Variants in DPH6 observed in about 807,000 individuals in gnomAD.
DPH6 encodes diphthamine biosynthesis 6.
In DPH6, 33 loss-of-function variants were observed where a neutral mutation model predicts 38.2. The ratio of observed to expected loss-of-function variants is 0.86; its 90% confidence interval spans 0.65 to 1.15. The LOEUF (loss-of-function observed/expected upper bound fraction) is 1.15. DPH6 is among the 50% of genes most tolerant of loss of function. The probability of loss-of-function intolerance (pLI) is 0.00; values close to 1 mark genes in which losing one functional copy is unlikely to be tolerated. For missense variants in DPH6, 325 were observed against 320.0 expected (o/e 1.02, Z -0.12); for synonymous variants, 108 against 103.0 (o/e 1.05, Z -0.30).
At chr15:35,343,651 T>G (rs982046520) in intron 3 of DPH6, among the ~76,000 whole-genome samples, 1 of 152,006 alleles carries the variant, frequency 6.6e-6, no homozygotes, top group Non-Finnish European at 1.5e-5. Context: ...AATTTATCCT[T>G]TAACAAGTTT....
At chr15:35,393,512 G>T (rs1049944492) in intron 6 of DPH6, among the ~76,000 whole-genome samples, 5 of 152,154 alleles carry the variant, frequency 3.3e-5, no homozygotes, top group Non-Finnish European at 5.9e-5. Context: ...TATGAATGGA[G>T]GACAAAAGGG....
chr15:35,524,134 AAATG>A (rs1242546035), intron 3 of DPH6, among the ~76,000 whole-genome samples: 1 of 141,678 alleles, frequency 7.1e-6, no homozygotes, highest in Non-Finnish European at 1.6e-5. Flanking sequence ...AAATACAACA[AAATG>A]AATTAAAAGA....
At chr15:35,525,783 T>C (rs2054991528) in intron 3 of DPH6, among the ~76,000 whole-genome samples, 1 of 152,146 alleles carries the variant, frequency 6.6e-6, no homozygotes, top group African/African-American at 2.4e-5. Context: ...AAGGGTGCAG[T>C]GAGCCACGAT....
Position 35,499,541 on chromosome 15 carries a change from T to C in DPH6, c.312+38733A>G, listed in dbSNP as rs1020533777. ...GGTTTAGGCATGAAATAGGAATTTT[T>C]CCACTGTGTTTTGGGGAAAGGAGGA... On this transcript the variant is annotated intron_variant, in intron 3 of 8. Transcript: ENST00000256538. Among the ~76,000 whole-genome samples the C allele has an allele frequency of 6.6e-5, 10 of 152,280 alleles. No individual in the cohort carries two copies. The Middle Eastern group carries it at 0.01, about 155-fold the overall frequency.
chr15:35,506,353 T>C (rs1351652972), intron 3 of DPH6, among the ~76,000 whole-genome samples: 1 of 152,176 alleles, frequency 6.6e-6, no homozygotes, highest in South Asian at 2.1e-4. Flanking sequence ...GACAATATTG[T>C]CTTTGTTAGT....
chr15:35,490,801 T>G (rs989169505), intron 3 of DPH6, among the ~76,000 whole-genome samples: 1 of 152,084 alleles, frequency 6.6e-6, no homozygotes, highest in Non-Finnish European at 1.5e-5. Context: ...TCTTAGTCCG[T>G]TTTCTGCTGC....
chr15:35,471,465 C>T (rs1402375668), intron 3 of DPH6, among the ~76,000 whole-genome samples: 1 of 152,200 alleles, frequency 6.6e-6, no homozygotes, highest in South Asian at 2.1e-4. Context: ...CCAATTGATA[C>T]AACTATTAGA....
At chr15:35,169,165 G>T in the DPH6 span, among the ~76,000 whole-genome samples, 1 of 151,998 alleles carries the variant, frequency 6.6e-6, no homozygotes, top group African/African-American at 2.4e-5. Context: ...TTTTATATTA[G>T]TTAAATTAAT....
At chr15:35,500,978 T>C (rs1259331507) in intron 3 of DPH6, among the ~76,000 whole-genome samples, 1 of 152,136 alleles carries the variant, frequency 6.6e-6, no homozygotes, top group Non-Finnish European at 1.5e-5. Flanking sequence ...TGACCTCAGA[T>C]GATCTACCCA....
At chr15:35,445,410 AAAAG>A (rs2053839135) in intron 5 of DPH6, among the ~76,000 whole-genome samples, 1 of 151,964 alleles carries the variant, frequency 6.6e-6, no homozygotes, top group Admixed American at 6.6e-5. Flanking sequence ...AAAAAAAAAA[AAAAG>A]AGATCTGAAT....
the DPH6 span, among the ~76,000 whole-genome samples, chr15:35,193,176 C>T: frequency 1.3e-5 from 2 of 151,986 alleles, no homozygotes; most frequent in Admixed American, 6.6e-5. Flanking sequence ...TATCTGAATA[C>T]TGAAATGTGT....
At position 35,240,506 on chromosome 15, in the gene DPH6, C is replaced by CT. The variant is rs1436082435; in HGVS notation, n.201-19925dup. Among the ~76,000 whole-genome samples the CT allele has an allele frequency of 4.3e-4, 61 of 143,408 alleles. 7 individuals carry two copies. The highest frequency in any genetic ancestry group is 1.5e-3 in the African/African-American group (61 of 39,644). The allele number at this position is 143,408 out of a possible 152,430, so 94.1% of individuals were successfully genotyped here. A position where few individuals can be genotyped will look rare whatever the true frequency, so the allele number is the denominator to read the frequency against. On this transcript the variant is annotated intron_variant and non_coding_transcript_variant, in intron 3 of 3. Transcript: ENST00000560386. ...CTTCCTCAGCCTCCGCTCCTCCACC[C>CT]TGTAATCTTTTTATCGCCTCCCCTC...
At chr15:35,436,204 T>C (rs73380710) in intron 5 of DPH6, among the ~76,000 whole-genome samples, 44,536 of 151,804 alleles carry the variant, frequency 0.29, 10,526 homozygotes, top group African/African-American at 0.66. Context: ...CGGTGGCTCA[T>C]GCCTGTAATC....
At chr15:35,280,891 T>C (rs1457824249) in intron 3 of DPH6, among the ~76,000 whole-genome samples, 1 of 152,180 alleles carries the variant, frequency 6.6e-6, no homozygotes, top group African/African-American at 2.4e-5. Flanking sequence ...GACAGACAAT[T>C]GACTTACTTT....
At position 35,352,584 on chromosome 15, in the gene DPH6, T is replaced by A. The variant is rs1454516391; in HGVS notation, n.207+20937A>T. Reference sequence around the variant, plus strand: ...CTGAGAATGATGGTTTCCAGCTTCATCCGTGTCCCTACAAAGGACATGAAC... The same window carrying A: ...CTGAGAATGATGGTTTCCAGCTTCAACCGTGTCCCTACAAAGGACATGAAC... On this transcript the variant is annotated intron_variant and non_coding_transcript_variant, in intron 3 of 3. Coordinates refer to the DPH6 transcript ENST00000558973. Among the ~76,000 whole-genome samples the A allele has an allele frequency of 2.6e-5, 4 of 152,362 alleles. No homozygotes were observed. In the South Asian group the frequency reaches 8.3e-4, roughly 32 times the overall value.
chr15:35,340,270 T>C (rs939275522), intron 3 of DPH6, among the ~76,000 whole-genome samples: 1 of 151,496 alleles, frequency 6.6e-6, no homozygotes, highest in Non-Finnish European at 1.5e-5. Context: ...CCTATTTGTG[T>C]TTCTGTAGGC....
intron 5 of DPH6, among the ~76,000 whole-genome samples, chr15:35,446,218 T>A (rs61075510): frequency 2.1e-5 from 3 of 142,368 alleles, no homozygotes; most frequent in African/African-American, 7.9e-5. Flanking sequence ...TTTTCCCTTT[T>A]TTTTTTTTTC....
intron 3 of DPH6, among the ~76,000 whole-genome samples, chr15:35,269,934 G>A (rs1386276033): frequency 6.6e-6 from 1 of 151,364 alleles, no homozygotes; most frequent in Non-Finnish European, 1.5e-5. Flanking sequence ...GGGACTACAG[G>A]CACCTGCCAC....
At chr15:35,334,349 A>C (rs1333367775) in intron 3 of DPH6, among the ~76,000 whole-genome samples, 1 of 152,136 alleles carries the variant, frequency 6.6e-6, no homozygotes, top group Non-Finnish European at 1.5e-5. Context: ...TAGCAAAATA[A>C]AGTATATTTT....
Sources: gnomAD v4.1 joint callset for allele counts (sites outside exome capture counted in the v4.1 genomes callset) on GRCh38, gnomAD v4.1.1 for gene constraint, MANE v1.5 for transcripts, NCBI Gene and HGNC (gene_info 2026-07-23, HGNC 2026-07-21) for gene names.